DGKE: variants seen among roughly 807,000 people sequenced by gnomAD.
DGKE encodes the protein DAG kinase epsilon.
A neutral mutation model predicts 70.0 loss-of-function variants in DGKE; 53 were observed. That is an observed-to-expected ratio of 0.76 (90% confidence interval 0.61 to 0.95). The LOEUF (loss-of-function observed/expected upper bound fraction) is 0.95. Among genes scored for constraint, DGKE ranks in the 40% least tolerant of loss-of-function variants. The pLI is 0.00. For synonymous variants in DGKE, 291 were observed against 257.0 expected (o/e 1.13, Z -1.27); for missense variants, 655 against 706.9 (o/e 0.93, Z 0.83).
At chr17:56,860,987 T>A (rs1908253862) in intron 9 of DGKE, among the ~76,000 whole-genome samples, 1 of 152,198 alleles carries the variant, frequency 6.6e-6, no homozygotes, top group Non-Finnish European at 1.5e-5. Flanking sequence ...GATGACATAT[T>A]TGCATTTTTT....
intron 9 of DGKE, among the ~76,000 whole-genome samples, chr17:56,859,448 C>T (rs1220631247): frequency 6.8e-6 from 1 of 148,072 alleles, no homozygotes; most frequent in Non-Finnish European, 1.5e-5. Context: ...GAGATGGAGT[C>T]TCACTCTGTC....
chr17:56,852,433 G>C (rs975905590), intron 7 of DGKE, among the ~76,000 whole-genome samples: 4 of 150,850 alleles, frequency 2.7e-5, no homozygotes, highest in African/African-American at 9.7e-5. Flanking sequence ...AAATCAAGAA[G>C]TAATGATCTG....
intron 9 of DGKE, among the ~76,000 whole-genome samples, chr17:56,860,366 T>C (rs1908219302): frequency 6.6e-6 from 1 of 152,104 alleles, no homozygotes; most frequent in Non-Finnish European, 1.5e-5. Flanking sequence ...ACTCCACTTT[T>C]ATAAAAAATA....
intron 5 of DGKE, 110 bp from the exon 6 acceptor site, chr17:56,848,586 A>G: frequency 9.4e-7 from 1 of 1,067,764 alleles, no homozygotes; most frequent in African/African-American, 1.6e-5. Context: ...AACAACATAC[A>G]GTTGTTATAT....
intron 2 of DGKE, among the ~76,000 whole-genome samples, chr17:56,842,479 CAATA>C (rs974650688): frequency 6.6e-6 from 1 of 152,054 alleles, no homozygotes; most frequent in Non-Finnish European, 1.5e-5. Flanking sequence ...TATGGTAGAC[CAATA>C]AATAAAGATA....
rs753507975 is a variant in DGKE, at chr17:56,840,365, TTTG to T, written c.465-3630_465-3628del. ...TGGGTAGATTAATGCAGTAGTTTGTTTTGTTGTTGTTGTTGTTGTTGTTGTTTT... is the reference window on the plus strand; with the variant it reads ...TGGGTAGATTAATGCAGTAGTTTGTTTTGTTGTTGTTGTTGTTGTTGTTTT... On this transcript the variant is annotated intron_variant, in intron 2 of 11. Transcript: ENST00000284061. Among the ~76,000 whole-genome samples the T allele has an allele frequency of 9.3e-3, 1,410 of 151,720 alleles. 15 individuals carry two copies. The highest frequency in any genetic ancestry group is 0.021 in the African/African-American group (868 of 41,356).
intron 7 of DGKE, among the ~76,000 whole-genome samples, chr17:56,854,113 A>T (rs1567819598): frequency 6.6e-6 from 1 of 152,116 alleles, no homozygotes; most frequent in African/African-American, 2.4e-5. Flanking sequence ...AATCTAAAAA[A>T]TCAAACTCAA....
At chr17:56,834,730 G>A (rs1906456164) in intron 1 of DGKE, 48 bp from the exon 2 acceptor site, 1 of 1,498,288 alleles carries the variant, frequency 6.7e-7, no homozygotes, top group Admixed American at 1.9e-5. Context: ...AGGGGGCGGG[G>A]AAGGGATGGC....
rs756738955 is a variant in DGKE, at chr17:56,844,150, G to A, written c.596G>A (p.Arg199His). 26 of 1,538,056 alleles carry A rather than the reference G, an allele frequency of 1.7e-5. 1 individual carries two copies. The Middle Eastern group carries it at 5.2e-4, about 31-fold the overall frequency. Residue 199 changes from arginine to histidine, a missense_variant, in exon 3 of 12, where the codon CGT becomes CAT. Arg to His is a conservative substitution (Grantham distance 29). Transcript: ENST00000284061. Reference protein sequence around the residue: ...PSYLTSINQMRKDKKTDYEVL... With the variant: ...PSYLTSINQMHKDKKTDYEVL... Reference sequence around the variant, plus strand: ...TATTTAACATCCATTAATCAGATGCGTAAAGACAAAAAAACAGATTATGAA... The same window carrying A: ...TATTTAACATCCATTAATCAGATGCATAAAGACAAAAAAACAGATTATGAA...
rs540598824 is a variant in DGKE at position 56,854,049 on chromosome 17, TTAAA to T, written c.1099-2454_1099-2451del. On this transcript the variant is annotated intron_variant, in intron 7 of 11. Coordinates refer to ENST00000284061, the MANE Select transcript of DGKE (RefSeq NM_003647.3). ...ATAGCTGAACCTAGAGGACATTATGTTAAATAAATAAACCAGTCACAGACAAATA... is the reference window on the plus strand; with the variant it reads ...ATAGCTGAACCTAGAGGACATTATGTTAAATAAACCAGTCACAGACAAATA... 2.7e-3 allele frequency among the ~76,000 whole-genome samples: 273 copies of T among 100,790 alleles called. 1 individual carries two copies. The highest frequency in any genetic ancestry group is 0.02 in the Middle Eastern group (4 of 196). The allele number at this position is 100,790 out of a possible 152,430, so 66.1% of individuals were successfully genotyped here.
chr17:56,847,337 A>G (rs1481578414), intron 4 of DGKE: 1 of 64,834 alleles, frequency 1.5e-5, no homozygotes, highest in Admixed American at 2.1e-4. Context: ...ATAAACTATA[A>G]CTTTTTTTTT....
At position 56,858,680 on chromosome 17, in the gene DGKE, C is replaced by G. The variant is rs1908100874; in HGVS notation, c.1284+15C>G. On this transcript the variant is annotated intron_variant, in intron 9 of 11. Coordinates refer to ENST00000284061, the MANE Select transcript of DGKE (RefSeq NM_003647.3). ...AAAAAGTTGAGGTAAGCTATTAACA[C>G]TTTTTATTTTTTAAAGTTTTAGGTG... is the stretch of plus-strand genomic sequence containing the variant. The G allele has an allele frequency of 6.4e-7, 1 of 1,565,514 alleles. No individual in the cohort carries two copies. Among genetic ancestry groups the G allele is most frequent in the Non-Finnish European group, 8.7e-7 (1 of 1,153,974 alleles).
intron 3 of DGKE, among the ~76,000 whole-genome samples, 167 bp downstream of exon 3, chr17:56,844,345 A>G (rs966691377): frequency 6.6e-6 from 1 of 152,234 alleles, no homozygotes; most frequent in African/African-American, 2.4e-5. Flanking sequence ...ATGGTAAGCC[A>G]TAAAATCCTA....
chr17:56,847,618 G>GTTA (rs1907372435), intron 4 of DGKE: 1 of 159,294 alleles, frequency 6.3e-6, no homozygotes, highest in South Asian at 1.9e-4. Flanking sequence ...ATAGGCATGA[G>GTTA]TTACCACACC....
chr17:56,859,619 C>T (rs1347085987), intron 9 of DGKE, among the ~76,000 whole-genome samples: 6 of 151,948 alleles, frequency 3.9e-5, no homozygotes, highest in African/African-American at 9.7e-5. Flanking sequence ...CGGGGTTTCA[C>T]GTGTTAGCCA....
In DGKE at chr17:56,842,541, T is replaced by C. The variant is rs1234013223; in HGVS notation, c.465-1478T>C. ...GTCTATTATAGTTTCTCAAGTTGAG[T>C]TTAAAATTAACAAATGTGATTATGC... On this transcript the variant is annotated intron_variant, in intron 2 of 11. Coordinates refer to ENST00000284061, the MANE Select transcript of DGKE (RefSeq NM_003647.3). Among the ~76,000 whole-genome samples, 3 of 152,212 alleles carry C rather than the reference T, an allele frequency of 2.0e-5. No homozygotes were observed. In the East Asian group the frequency reaches 5.8e-4, roughly 29 times the overall value.
At position 56,844,040 on chromosome 17, in the gene DGKE, A is replaced by G; in HGVS notation, c.486A>G (p.Thr162=). The G allele has an allele frequency of 6.4e-7, 1 of 1,550,738 alleles. No homozygotes were observed. The highest frequency in any genetic ancestry group is 8.6e-7 in the Non-Finnish European group (1 of 1,156,486). Residue 162 remains threonine, a synonymous_variant, in exon 3 of 12, where the codon ACA becomes ACG. Coordinates refer to ENST00000284061, the MANE Select transcript of DGKE (RefSeq NM_003647.3). ...TCAGGTGCATTTGGTGCCAGAAAAC[A>G]GTACATGATGAGTGCATGAAAAATA... ...CDYRCIWCQK[T]VHDECMKNSL...
intron 8 of DGKE, 62 bp downstream of exon 8, chr17:56,856,687 C>G: frequency 1.3e-6 from 2 of 1,529,620 alleles, no homozygotes; most frequent in Non-Finnish European, 1.8e-6. Context: ...ATCAATAGTT[C>G]AATTATATTT....
At chr17:56,835,341 A>G (rs780169841) in intron 2 of DGKE, 82 bp downstream of exon 2, 112 of 1,381,666 alleles carry the variant, frequency 8.1e-5, no homozygotes, top group Non-Finnish European at 1.1e-4. Flanking sequence ...GGCCTGCTTT[A>G]ATCTCTGCTG....
Sources: gnomAD v4.1 joint callset for allele counts (sites outside exome capture counted in the v4.1 genomes callset) on GRCh38, gnomAD v4.1.1 for gene constraint, MANE v1.5 for transcripts, NCBI Gene and HGNC (gene_info 2026-07-23, HGNC 2026-07-21) for gene names.